MYH14: variants seen among roughly 807,000 people sequenced by gnomAD.
The protein encoded by MYH14 is myosin heavy chain 14, also known as myosin-14.
A neutral mutation model predicts 255.5 loss-of-function variants in MYH14; 123 were observed. That is an observed-to-expected ratio of 0.48 (90% CI 0.42 to 0.56). The LOEUF (loss-of-function observed/expected upper bound fraction) is 0.56. MYH14 is among the 20% of genes least tolerant of loss of function. The pLI is 0.00. For synonymous variants in MYH14, 1,095 were observed against 1,161.2 expected (o/e 0.94, Z 1.16); for missense variants, 2,423 against 2,802.3 (o/e 0.86, Z 3.06).
intron 1 of MYH14, among the ~76,000 whole-genome samples, chr19:50,206,350 T>C (rs542284943): frequency 1.5e-5 from 2 of 133,754 alleles, no homozygotes; most frequent in Admixed American, 1.7e-4. Context: ...CATAGGGTGA[T>C]TGCAAAAACT....
intron 16 of MYH14, among the ~76,000 whole-genome samples, chr19:50,254,264 G>T (rs1021086958): frequency 6.6e-6 from 1 of 151,932 alleles, no homozygotes; most frequent in African/African-American, 2.4e-5. Flanking sequence ...TGAGCAAGGT[G>T]AGTGGTTCCC....
At chr19:50,246,249 C>T (rs954499421) in intron 11 of MYH14, among the ~76,000 whole-genome samples, 1 of 151,268 alleles carries the variant, frequency 6.6e-6, no homozygotes, top group Non-Finnish European at 1.5e-5. Flanking sequence ...AAGCGATTCT[C>T]CCTGCCTCAG....
At chr19:50,287,775 A>T (rs2123441564) in intron 34 of MYH14, among the ~76,000 whole-genome samples, 1 of 152,254 alleles carries the variant, frequency 6.6e-6, no homozygotes, top group Non-Finnish European at 1.5e-5. Flanking sequence ...TGAGAAAACT[A>T]CTCACCACAC....
At position 50,307,140 on chromosome 19, in the gene MYH14, G is replaced by A. The variant is rs1471106862; in HGVS notation, c.5770G>A (p.Asp1924Asn). 6.5e-7 allele frequency: 1 copy of A among 1,548,226 alleles called. No homozygotes were observed. Reference sequence around the variant, plus strand: ...GGTGGAGGAGGAGCGGAGGGTGGCTGACCAGCTCCGGGACCAGGTAAGCAG... The same window carrying A: ...GGTGGAGGAGGAGCGGAGGGTGGCTAACCAGCTCCGGGACCAGGTAAGCAG... Reference protein sequence around the residue: ...LQVEEERRVADQLRDQLEKGN... With the variant: ...LQVEEERRVANQLRDQLEKGN... The change falls in exon 41 of 43, where the codon GAC (aspartate) becomes AAC (asparagine). Residue 1924 changes from aspartate to asparagine, a missense_variant. Physicochemically the swap from Asp to Asn is conservative, Grantham distance 23 (BLOSUM62 1). Coordinates refer to ENST00000642316, the MANE Select transcript of MYH14 (RefSeq NM_001145809.2).
chr19:50,262,837 CAGTG>C (rs1280710549), intron 21 of MYH14, among the ~76,000 whole-genome samples: 1 of 152,126 alleles, frequency 6.6e-6, no homozygotes, highest in Non-Finnish European at 1.5e-5. Flanking sequence ...GGCCAGAACA[CAGTG>C]AGATCTCAAA....
At chr19:50,308,039 C>G (rs2036712466) in intron 41 of MYH14, among the ~76,000 whole-genome samples, 1 of 152,064 alleles carries the variant, frequency 6.6e-6, no homozygotes, top group South Asian at 2.1e-4. Flanking sequence ...CAGATAATTA[C>G]AGATTGTGAC....
chr19:50,308,519 G>C (rs2036729554), intron 41 of MYH14: 1 of 154,030 alleles, frequency 6.5e-6, no homozygotes, highest in South Asian at 2.1e-4. Flanking sequence ...GAAAATGTGG[G>C]ATAGGAAGGC....
In MYH14 at chr19:50,252,181, G is replaced by A. The variant is rs982048543; in HGVS notation, c.1831-458G>A. Among the ~76,000 whole-genome samples the A allele has an allele frequency of 2.0e-5, 3 of 152,188 alleles. No homozygotes were observed. The highest frequency in any genetic ancestry group is 4.4e-5 in the Non-Finnish European group (3 of 68,048). Reference sequence around the variant, plus strand: ...CCTGCCCTCGGGGGACCGCTGTCTGGTGGGGGGCACATATGCAGAGAATTG... The same window carrying A: ...CCTGCCCTCGGGGGACCGCTGTCTGATGGGGGGCACATATGCAGAGAATTG... On this transcript the variant is annotated intron_variant, in intron 15 of 42. Transcript: ENST00000642316. This position sits in a 1 kb window ranked among gnomAD's most constrained non-coding sequence, Gnocchi z 4.2.
In MYH14 at chr19:50,273,601, G is replaced by GGT. The variant is rs56095197; in HGVS notation, c.3467+900_3467+901dup. ...ATCTTAGAGTTGATGGAACATGGGGGGTGTGTGTGTGTGTGTGTGTGTGTG... is the reference window on the plus strand; with the variant it reads ...ATCTTAGAGTTGATGGAACATGGGGGGTGTGTGTGTGTGTGTGTGTGTGTGTG... On this transcript the variant is annotated intron_variant, in intron 27 of 42. Transcript: ENST00000642316. Among the ~76,000 whole-genome samples the GGT allele has an allele frequency of 3.0e-3, 412 of 137,508 alleles. 3 individuals carry two copies. Among genetic ancestry groups the GGT allele is most frequent in the South Asian group, 4.2e-3 (16 of 3,838 alleles). 90.2% of individuals were successfully genotyped at this position (137,508 alleles called of 152,430 possible).
At chr19:50,227,558 G>A (rs756645179) in intron 8 of MYH14, among the ~76,000 whole-genome samples, 7 of 152,058 alleles carry the variant, frequency 4.6e-5, no homozygotes, top group East Asian at 1.9e-4. Context: ...TAGGTCTAGC[G>A]AACCCCTCAT....
chr19:50,305,365 CTGTT>C (rs1439552054), intron 40 of MYH14, among the ~76,000 whole-genome samples: 1 of 152,100 alleles, frequency 6.6e-6, no homozygotes. Context: ...GAAGAAGACA[CTGTT>C]TGGAGCTAAG....
chr19:50,218,582 A>AG (rs1369493945), intron 3 of MYH14, among the ~76,000 whole-genome samples: 4 of 151,288 alleles, frequency 2.6e-5, no homozygotes, highest in Admixed American at 1.3e-4. Context: ...TGGGAGACAC[A>AG]GGGAGACTCT....
At chr19:50,251,559 C>CATATATATAT (rs2034397017) in intron 15 of MYH14, among the ~76,000 whole-genome samples, 1 of 102,944 alleles carries the variant, frequency 9.7e-6, no homozygotes, top group South Asian at 2.9e-4. Flanking sequence ...CACACACACA[C>CATATATATAT]ACACACACAC....
At chr19:50,267,074 C>T in intron 23 of MYH14, 66 bp downstream of exon 23, 1 of 1,445,150 alleles carries the variant, frequency 6.9e-7, no homozygotes, top group South Asian at 1.3e-5. Context: ...ATGGGTGGAG[C>T]CAGGTGTGAG....
intron 7 of MYH14, 115 bp downstream of exon 7, chr19:50,225,792 G>T: frequency 1.6e-6 from 1 of 625,414 alleles, no homozygotes. Flanking sequence ...GGGGCTGGGG[G>T]TCTGGACTCT....
chr19:50,207,304 A>AGG (rs1397043737), intron 1 of MYH14, among the ~76,000 whole-genome samples: 5 of 149,972 alleles, frequency 3.3e-5, no homozygotes, highest in Non-Finnish European at 5.9e-5. Context: ...AGAGAGAGAG[A>AGG]GAGAGAGAGA....
chr19:50,289,498 G>C lies in MYH14; in HGVS notation c.4815G>C (p.Gln1605His), dbSNP rs762607266. The C allele has an allele frequency of 8.1e-6, 13 of 1,613,084 alleles. No individual in the cohort carries two copies. The highest frequency in any genetic ancestry group is 1.1e-5 in the South Asian group (1 of 90,880). ...AGGCAGCCAATGATCTGCGAGCACAGGTGACAGAACTGGAGGATGAGCTGA... is the reference window on the plus strand; with the variant it reads ...AGGCAGCCAATGATCTGCGAGCACACGTGACAGAACTGGAGGATGAGCTGA... ...AEQAANDLRA[Q>H]VTELEDELTA... Residue 1605 changes from glutamine (Q) to histidine (H), a missense_variant, in exon 35 of 43, where the codon CAG becomes CAC. This residue lies in a region of MYH14 where 1,513 missense variants were observed against 1,674.8 expected (regional missense o/e 0.90). Coordinates refer to ENST00000642316, the MANE Select transcript of MYH14 (RefSeq NM_001145809.2).
Position 50,266,458 on chromosome 19 carries a change from C to T in MYH14, c.2695-419C>T, listed in dbSNP as rs1670726. On this transcript the variant is annotated intron_variant, in intron 22 of 42. Coordinates refer to ENST00000642316, the MANE Select transcript of MYH14 (RefSeq NM_001145809.2). This position sits in a 1 kb window ranked among gnomAD's most constrained non-coding sequence, Gnocchi z 4.1. ...CCTGTAATCCCAGCTACTCGGGAGG[C>T]TGAGGCAGGAGAATCGCTTGAACCT... 0.48 allele frequency among the ~76,000 whole-genome samples: 72,442 copies of T among 151,914 alleles called. 17,761 individuals are homozygous for T. Among genetic ancestry groups the T allele is most frequent in the East Asian group, 0.65 (3,345 of 5,142 alleles).
chr19:50,220,080 T>C (rs1246937301), intron 3 of MYH14, among the ~76,000 whole-genome samples: 2 of 151,906 alleles, frequency 1.3e-5, no homozygotes, highest in Admixed American at 6.6e-5. Flanking sequence ...AAAAACCCCA[T>C]GTAATAGTAC....
Sources: gnomAD v4.1 joint callset for allele counts (sites outside exome capture counted in the v4.1 genomes callset) on GRCh38, gnomAD v4.1.1 for gene constraint, gnomAD v4.1.1 regional missense constraint, Gnocchi (gnomAD v3.1) non-coding constraint, MANE v1.5 for transcripts, NCBI Gene and HGNC (gene_info 2026-07-23, HGNC 2026-07-21) for gene names.